Variants in EXOC2 observed in about 807,000 individuals in gnomAD.
The protein encoded by EXOC2 is exocyst complex component 2.
Under a neutral mutation model 131.8 loss-of-function variants are expected in EXOC2, and 70 were observed. That is an observed-to-expected ratio of 0.53 (90% confidence interval 0.44 to 0.65). The LOEUF (loss-of-function observed/expected upper bound fraction) is 0.65, where lower values mean the gene tolerates loss of function less well. Among genes scored for constraint, EXOC2 ranks in the 30% least tolerant of loss-of-function variants. The pLI, the probability that EXOC2 is intolerant of heterozygous loss-of-function variation, is 0.00. For synonymous variants in EXOC2, 411 were observed against 398.4 expected (o/e 1.03, Z -0.38); for missense variants, 923 against 1,108.6 (o/e 0.83, Z 2.38).
At chr6:669,663 C>G (rs1281123173) in intron 1 of EXOC2, 1 of 152,282 alleles carries the variant, frequency 6.6e-6, no homozygotes, top group Admixed American at 6.6e-5. Flanking sequence ...CTAGGCTGTA[C>G]CTGGAAGGAT....
intron 23 of EXOC2, among the ~76,000 whole-genome samples, chr6:530,175 G>C (rs552710276): frequency 1.2e-4 from 19 of 152,330 alleles, no homozygotes; most frequent in Admixed American, 5.2e-4. Flanking sequence ...CAGAAGAACA[G>C]TGGAAGCTAG....
At chr6:582,006 T>C (rs1297217755) in intron 11 of EXOC2, among the ~76,000 whole-genome samples, 1 of 152,194 alleles carries the variant, frequency 6.6e-6, no homozygotes, top group Non-Finnish European at 1.5e-5. Flanking sequence ...GTTGCAGAAA[T>C]AATTTTCTTC....
intron 1 of EXOC2, chr6:656,463 C>G: frequency 6.2e-7 from 1 of 1,612,370 alleles, no homozygotes; most frequent in Non-Finnish European, 8.5e-7. Flanking sequence ...CGTCCTCCAG[C>G]GCGGCAGGCG....
intron 20 of EXOC2, among the ~76,000 whole-genome samples, chr6:554,361 T>C (rs1401525172): frequency 1.3e-5 from 2 of 152,204 alleles, no homozygotes; most frequent in Non-Finnish European, 2.9e-5. Context: ...ATAAGTGTTT[T>C]AGACTTAACA....
intron 22 of EXOC2, among the ~76,000 whole-genome samples, chr6:547,446 G>A (rs115673869): frequency 5.6e-4 from 86 of 152,288 alleles, no homozygotes; most frequent in African/African-American, 1.9e-3. Context: ...CTTCAAGTGC[G>A]GAAACAGAGA....
At chr6:543,579 G>T (rs1462059210) in intron 22 of EXOC2, among the ~76,000 whole-genome samples, 1 of 152,168 alleles carries the variant, frequency 6.6e-6, no homozygotes. Flanking sequence ...CTCAACAAAG[G>T]TAAGTTGGTG....
At chr6:507,572 G>A (rs932257666) in intron 23 of EXOC2, among the ~76,000 whole-genome samples, 3 of 152,284 alleles carry the variant, frequency 2.0e-5, no homozygotes, top group South Asian at 4.1e-4. Flanking sequence ...GCTTTTGCTT[G>A]ATGAGAATCA....
intron 13 of EXOC2, among the ~76,000 whole-genome samples, chr6:570,930 T>A (rs1198737462): frequency 1.3e-5 from 2 of 152,208 alleles, no homozygotes; most frequent in African/African-American, 4.8e-5. Flanking sequence ...CTACTGTCAC[T>A]GTGCAGAGGG....
chr6:513,166 AACTGGGTC>A (rs1300215720), intron 23 of EXOC2, among the ~76,000 whole-genome samples: 4 of 152,186 alleles, frequency 2.6e-5, no homozygotes, highest in Non-Finnish European at 4.4e-5. Context: ...GCTGGAATGG[AACTGGGTC>A]ACTGCATGTG....
At chr6:564,416 G>C (rs1450629428) in intron 15 of EXOC2, 129 bp downstream of exon 15, 6 of 1,318,890 alleles carry the variant, frequency 4.5e-6, no homozygotes, top group African/African-American at 2.9e-5. Flanking sequence ...TGATGAACAG[G>C]AAACAGTGGA....
intron 10 of EXOC2, among the ~76,000 whole-genome samples, chr6:596,284 T>C (rs895236106): frequency 1.3e-5 from 2 of 151,784 alleles, no homozygotes; most frequent in Admixed American, 1.3e-4. Context: ...GTACGCCTCA[T>C]CACTAGGACA....
Position 677,152 on chromosome 6 carries a change from C to G in EXOC2, c.-44+15867G>C, listed in dbSNP as rs9504727. ...CTCTTCAACATTACGGAAAGGACAG[C>G]TTTCTCTGGAGACTGCGGTTCCCCA... On this transcript the variant is annotated intron_variant, in intron 1 of 27. Coordinates refer to ENST00000230449, the MANE Select transcript of EXOC2 (RefSeq NM_018303.6). Among the ~76,000 whole-genome samples the G allele has an allele frequency of 2.5e-3, 32 of 13,020 alleles. 3 individuals are homozygous for G. Among genetic ancestry groups the G allele is most frequent in the African/African-American group, 3.7e-3 (23 of 6,170 alleles). 8.5% of individuals were successfully genotyped at this position (13,020 alleles called of 152,430 possible).
At chr6:535,631 A>C (rs529307471) in intron 22 of EXOC2, among the ~76,000 whole-genome samples, 1 of 152,220 alleles carries the variant, frequency 6.6e-6, no homozygotes, top group East Asian at 1.9e-4. Flanking sequence ...AAGTAGTCCT[A>C]TATTTATTAA....
chr6:591,545 C>G (rs1759543857), intron 11 of EXOC2, among the ~76,000 whole-genome samples: 1 of 152,124 alleles, frequency 6.6e-6, no homozygotes, highest in African/African-American at 2.4e-5. Flanking sequence ...AATGTCACTC[C>G]CCTGACCTCA....
At chr6:669,889 C>G (rs1269443576) in intron 1 of EXOC2, 1 of 152,304 alleles carries the variant, frequency 6.6e-6, no homozygotes, top group Non-Finnish European at 1.5e-5. Flanking sequence ...CACATTTATC[C>G]ATGGGTCCCT....
chr6:607,077 C>T (rs1174395737), intron 7 of EXOC2, among the ~76,000 whole-genome samples: 2 of 152,192 alleles, frequency 1.3e-5, no homozygotes, highest in Non-Finnish European at 2.9e-5. Flanking sequence ...CTGTCATTTA[C>T]ACAGCGACGT....
intron 7 of EXOC2, among the ~76,000 whole-genome samples, chr6:604,076 G>A (rs1760262196): frequency 6.6e-6 from 1 of 152,194 alleles, no homozygotes; most frequent in Non-Finnish European, 1.5e-5. Flanking sequence ...AGGCAACTGA[G>A]ACACAGAGGT....
intron 15 of EXOC2, 135 bp downstream of exon 15, chr6:564,410 G>A: frequency 7.8e-7 from 1 of 1,284,680 alleles, no homozygotes; most frequent in Non-Finnish European, 1.1e-6. Flanking sequence ...GTCAGATGAT[G>A]AACAGGAAAC....
chr6:549,154 G>A (rs781052251), intron 22 of EXOC2, 21 bp downstream of exon 22: 11 of 1,594,638 alleles, frequency 6.9e-6, no homozygotes, highest in Admixed American at 5.0e-5. Flanking sequence ...CGACTTGTGC[G>A]TTTTACATGA....
Sources: gnomAD v4.1 joint callset for allele counts (sites outside exome capture counted in the v4.1 genomes callset) on GRCh38, gnomAD v4.1.1 for gene constraint, MANE v1.5 for transcripts, NCBI Gene and HGNC (gene_info 2026-07-23, HGNC 2026-07-21) for gene names.